The following EIF4G2 variants were observed in gnomAD, a reference collection of about 807,000 sequenced individuals.
EIF4G2 encodes the protein eukaryotic translation initiation factor 4 gamma 2.
EIF4G2 carries 8 observed loss-of-function variants against 117.7 expected under a neutral mutation model. That is an observed-to-expected ratio of 0.07 (90% CI 0.04 to 0.12). EIF4G2 has a LOEUF of 0.12. Ranked by LOEUF, EIF4G2 falls within the 10% of genes least tolerant of loss-of-function variation. EIF4G2 has a pLI of 1.00. For synonymous variants in EIF4G2, 413 were observed against 367.8 expected (o/e 1.12, Z -1.41); for missense variants, 812 against 1,086.2 (o/e 0.75, Z 3.55).
Position 10,803,795 on chromosome 11 carries a change from T to C in EIF4G2, c.702+104A>G. ...AAATTATTCTGTTTAGTAAATTTTGTTGCACATCTGTATTTAACTAGTCAA... is the reference window on the plus strand; with the variant it reads ...AAATTATTCTGTTTAGTAAATTTTGCTGCACATCTGTATTTAACTAGTCAA... On this transcript the variant is annotated intron_variant, in intron 8 of 21. Coordinates refer to ENST00000339995, the MANE Select transcript of EIF4G2 (RefSeq NM_001418.4). This position sits in a 1 kb window ranked among gnomAD's most constrained non-coding sequence, Gnocchi z 4.0. The C allele has an allele frequency of 7.2e-7, 1 of 1,396,688 alleles. No homozygotes were observed. Among genetic ancestry groups the C allele is most frequent in the Non-Finnish European group, 9.8e-7 (1 of 1,023,908 alleles). The allele number at this position is 1,396,688 out of a possible 1,614,324, so 86.5% of individuals were successfully genotyped here.
At chr11:10,808,488 G>C (rs1021902236) in intron 1 of EIF4G2, 5 of 1,247,790 alleles carry the variant, frequency 4.0e-6, no homozygotes, top group Middle Eastern at 4.4e-4. Flanking sequence ...CGGCGGCCTG[G>C]CCAACACTGA....
At chr11:10,807,170 C>T (rs1230804242) in intron 2 of EIF4G2, 85 bp downstream of exon 2, 34 of 1,520,932 alleles carry the variant, frequency 2.2e-5, no homozygotes, top group Non-Finnish European at 2.9e-5. Flanking sequence ...AATTGCAGCC[C>T]ATTAAGTCGG....
At chr11:10,802,537 T>C (rs1444109037) in intron 11 of EIF4G2, 102 bp from the exon 12 acceptor site, 12 of 1,377,122 alleles carry the variant, frequency 8.7e-6, no homozygotes, top group Non-Finnish European at 1.2e-5. Context: ...TATTAAACCA[T>C]AATTTATGTT....
At position 10,801,017 on chromosome 11, in the gene EIF4G2, G is replaced by C; in HGVS notation, c.1484C>G (p.Thr495Ser). 1 of 1,614,194 alleles carries C rather than the reference G, an allele frequency of 6.2e-7. No homozygotes were observed. The highest frequency in any genetic ancestry group is 8.5e-7 in the Non-Finnish European group (1 of 1,180,008). ...TGGTTGTGCACTAGGAGGAATCATA[G>C]TTATCTGGGGCTGAAGCTTTGGCAC... The change falls in exon 15 of 22, where the codon ACT (threonine) becomes AGT (serine). Residue 495 changes from threonine (T) to serine (S), a missense_variant. Thr to Ser is a moderately conservative substitution (Grantham distance 58). Coordinates refer to ENST00000339995, the MANE Select transcript of EIF4G2 (RefSeq NM_001418.4).
In EIF4G2 at chr11:10,806,225, G is replaced by C. The variant is rs146068415; in HGVS notation, c.108-178C>G. ...TGCATCAGAATCACCTGAAGGGCTTGTTAATACAGATTGCTGGGCCCACCC... is the reference window on the plus strand; with the variant it reads ...TGCATCAGAATCACCTGAAGGGCTTCTTAATACAGATTGCTGGGCCCACCC... On this transcript the variant is annotated intron_variant, in intron 3 of 21. Transcript: ENST00000339995. 3.2e-3 allele frequency: 2,649 copies of C among 817,658 alleles called. 47 individuals carry two copies. In the African/African-American group the frequency reaches 0.039, roughly 12 times the overall value. 50.7% of individuals were successfully genotyped at this position (817,658 alleles called of 1,614,324 possible). A position where few individuals can be genotyped will look rare whatever the true frequency, so the allele number is the denominator to read the frequency against.
rs374096064 is a variant in EIF4G2, at chr11:10,799,117, A to T, written c.2537-4T>A. ...ACAAAAAAGCGAAGTAACATGCCTT[A>T]AAAAAAAAAAAAAAAAGAAAAAAGT... is the stretch of plus-strand genomic sequence containing the variant. On this transcript the variant is annotated splice_polypyrimidine_tract_variant and splice_region_variant and intron_variant, in intron 20 of 21. Coordinates refer to ENST00000339995, the MANE Select transcript of EIF4G2 (RefSeq NM_001418.4). The T allele has an allele frequency of 9.1e-5, 16 of 175,002 alleles. No individual in the cohort carries two copies. Among genetic ancestry groups the T allele is most frequent in the Admixed American group, 1.4e-4 (1 of 7,200 alleles). 10.8% of individuals were successfully genotyped at this position (175,002 alleles called of 1,614,324 possible).
Position 10,800,340 on chromosome 11 carries a change from C to T in EIF4G2, c.1869G>A (p.Leu623=). 6.2e-7 allele frequency: 1 copy of T among 1,613,604 alleles called. No individual in the cohort carries two copies. The highest frequency in any genetic ancestry group is 1.1e-5 in the South Asian group (1 of 91,068). The change falls in exon 18 of 22, where the codon CTG becomes CTA. Residue 623 remains leucine (L), a synonymous_variant. Coordinates refer to ENST00000339995, the MANE Select transcript of EIF4G2 (RefSeq NM_001418.4). ...GTTTGGGACACTGGTCCAATACATT[C>T]AGGAAAGCCTTGAAAGAAATATACA...
chr11:10,808,402 G>C, intron 1 of EIF4G2: 2 of 1,252,596 alleles, frequency 1.6e-6, no homozygotes, highest in Non-Finnish European at 1.0e-6. Context: ...ACGCTCCCTC[G>C]CCGTCCGAGC....
intron 2 of EIF4G2, 93 bp downstream of exon 2, chr11:10,807,162 T>C (rs998709666): frequency 4.0e-6 from 6 of 1,505,726 alleles, no homozygotes; most frequent in African/African-American, 1.4e-5. Context: ...CAAATGAAAA[T>C]TGCAGCCCAT....
chr11:10,806,993 A>AT lies in EIF4G2; in HGVS notation c.42-109dup, dbSNP rs1306994516. The AT allele has an allele frequency of 4.6e-5, 63 of 1,362,540 alleles. No homozygotes were observed. In the East Asian group the frequency reaches 1.4e-3, roughly 30 times the overall value. The allele number at this position is 1,362,540 out of a possible 1,614,324, so 84.4% of individuals were successfully genotyped here. A position where few individuals can be genotyped will look rare whatever the true frequency, so the allele number is the denominator to read the frequency against. On this transcript the variant is annotated intron_variant, in intron 2 of 21. Transcript: ENST00000339995. ...TGCTTGTAGAGATGGGGGTCTCGCT[A>AT]TTTTGCCCAGACTGGAGCCAGGCCT...
rs4910190 is a variant in EIF4G2 at position 10,800,655 on chromosome 11, G to C, written c.1645-8C>G. 1 of 1,613,678 alleles carries C rather than the reference G, an allele frequency of 6.2e-7. No individual in the cohort carries two copies. Among genetic ancestry groups the C allele is most frequent in the African/African-American group, 1.3e-5 (1 of 74,834 alleles). On this transcript the variant is annotated splice_region_variant and splice_polypyrimidine_tract_variant and intron_variant, in intron 16 of 21. Transcript: ENST00000339995. ...TTCAGTCACAACAGTTTCCTGTGAA[G>C]AACACAAGTATCTTTAATGTATTCT...
chr11:10,806,053 T>A lies in EIF4G2; in HGVS notation c.108-6A>T, dbSNP rs1352970503. ...GGGTTTTCCCCAGGAACTCGCTGAT[T>A]AATAAAAATCAGCAAAAACACTTAT... is the stretch of plus-strand genomic sequence containing the variant. On this transcript the variant is annotated splice_region_variant and splice_polypyrimidine_tract_variant and intron_variant, in intron 3 of 21. Coordinates refer to ENST00000339995, the MANE Select transcript of EIF4G2 (RefSeq NM_001418.4). 1 of 1,614,070 alleles carries A rather than the reference T, an allele frequency of 6.2e-7. No homozygotes were observed. Among genetic ancestry groups the A allele is most frequent in the Non-Finnish European group, 8.5e-7 (1 of 1,180,020 alleles).
rs1195336910 is a variant in EIF4G2, at chr11:10,799,131, A to G, written c.2537-18T>C. On this transcript the variant is annotated intron_variant, in intron 20 of 21. Transcript: ENST00000339995. ...TAACATGCCTTAAAAAAAAAAAAAA[A>G]AAGAAAAAAGTAATAAGCCCATTAT... The G allele has an allele frequency of 1.3e-6, 2 of 1,575,222 alleles. No homozygotes were observed. Among genetic ancestry groups the G allele is most frequent in the Non-Finnish European group, 1.7e-6 (2 of 1,168,712 alleles).
chr11:10,803,263 C>G lies in EIF4G2; in HGVS notation c.845G>C (p.Cys282Ser), dbSNP rs753027729. 1.2e-6 allele frequency: 2 copies of G among 1,614,062 alleles called. No individual in the cohort carries two copies. Among genetic ancestry groups the G allele is most frequent in the Non-Finnish European group, 1.7e-6 (2 of 1,180,008 alleles). The stretch of plus-strand genomic sequence containing the variant: ...CAATTCCTTACTTAACATCAAGGAG[C>G]ACATTCGGGCAAAGTACTGATCCAT... The change falls in exon 10 of 22, where the codon TGC becomes TCC. Residue 282 changes from cysteine (C) to serine (S), a missense_variant. By Grantham distance (112) the Cys-to-Ser change is moderately radical. Transcript: ENST00000339995. This position sits in a 1 kb window ranked among gnomAD's most constrained non-coding sequence, Gnocchi z 4.0.
At position 10,800,571 on chromosome 11, in the gene EIF4G2, G is replaced by A. The variant is rs1217656054; in HGVS notation, c.1721C>T (p.Pro574Leu). ...TAACATCTCAGGAAGAAAGTGTTTA[G>A]GAGCCCTCATTTCTCTTACACCATT... is the stretch of plus-strand genomic sequence containing the variant. The change falls in exon 17 of 22, where the codon CCT (proline) becomes CTT (leucine). Residue 574 changes from proline to leucine, a missense_variant. Around this residue, in one of 4 missense-constraint regions of EIF4G2, gnomAD observed 571 missense variants for 642.3 expected, o/e 0.89. Coordinates refer to ENST00000339995, the MANE Select transcript of EIF4G2 (RefSeq NM_001418.4). The A allele has an allele frequency of 2.5e-6, 4 of 1,613,982 alleles. No individual in the cohort carries two copies. The highest frequency in any genetic ancestry group is 3.4e-6 in the Non-Finnish European group (4 of 1,180,016).
At chr11:10,806,695 C>G in intron 3 of EIF4G2, 125 bp downstream of exon 3, 1 of 1,023,128 alleles carries the variant, frequency 9.8e-7, no homozygotes, top group South Asian at 1.5e-5. Flanking sequence ...TTTAGGATAC[C>G]CAACAGAAAC....
rs1847343271 is a variant in EIF4G2 at position 10,799,030 on chromosome 11, T to G, written c.2620A>C (p.Thr874Pro). The stretch of plus-strand genomic sequence containing the variant: ...TTGCCTTTTCCCGGAAACTCTTGGG[T>G]TATATCTTCTTTCCAAGCCAAGAAA... The change falls in exon 21 of 22, where the codon ACC becomes CCC. Residue 874 changes from threonine (T) to proline (P), a missense_variant. Transcript: ENST00000339995. 1 of 1,608,844 alleles carries G rather than the reference T, an allele frequency of 6.2e-7. No individual in the cohort carries two copies. The highest frequency in any genetic ancestry group is 8.5e-7 in the Non-Finnish European group (1 of 1,178,642).
intron 21 of EIF4G2, chr11:10,798,615 C>A (rs1847330415): frequency 1.2e-5 from 2 of 163,300 alleles, no homozygotes; most frequent in Admixed American, 1.2e-4. Flanking sequence ...AACTCCTGAG[C>A]TCAAGTGATC....
chr11:10,802,927 G>A (rs1291703361), intron 11 of EIF4G2, 103 bp downstream of exon 11: 28 of 954,260 alleles, frequency 2.9e-5, no homozygotes, highest in Non-Finnish European at 3.8e-5. Flanking sequence ...CCACCACTAA[G>A]ATGAGACAGA....
Sources: gnomAD v4.1 joint callset for allele counts on GRCh38, gnomAD v4.1.1 for gene constraint, gnomAD v4.1.1 regional missense constraint, Gnocchi (gnomAD v3.1) non-coding constraint, MANE v1.5 for transcripts, NCBI Gene and HGNC (gene_info 2026-07-23, HGNC 2026-07-21) for gene names.